RPLP1: variants seen among roughly 807,000 people sequenced by gnomAD.
RPLP1 encodes the protein ribosomal protein lateral stalk subunit P1.
In RPLP1, 4 loss-of-function variants were observed where a neutral mutation model predicts 11.6. That is an observed-to-expected ratio of 0.34 (90% CI 0.17 to 0.79). RPLP1 has a LOEUF of 0.79. RPLP1 is among the 30% of genes least tolerant of loss of function. The pLI is 0.55. For missense variants in RPLP1, 133 were observed against 142.8 expected (o/e 0.93, Z 0.35); for synonymous variants, 54 against 52.2 (o/e 1.03, Z -0.15).
chr15:69,453,761 T>A, intron 2 of RPLP1, 40 bp downstream of exon 2: 1 of 1,609,288 alleles, frequency 6.2e-7, no homozygotes, highest in East Asian at 2.2e-5. Flanking sequence ...TAAGGCCTGC[T>A]GATTTACGAG....
intron 1 of RPLP1, 120 bp from the exon 2 acceptor site, chr15:69,453,527 C>T (rs1240381744): frequency 9.0e-7 from 1 of 1,113,608 alleles, no homozygotes; most frequent in Non-Finnish European, 1.3e-6. Flanking sequence ...ATCTCTTTTG[C>T]TTGTGATAGA....
At position 69,452,891 on chromosome 15, in the gene RPLP1, A is replaced by C. The variant is rs981133401; in HGVS notation, c.-58A>C. ...AAGGCTGCGTTGGGGTGAGGCCCTC[A>C]CTTCATCCGGCGACTAGCACCGCGT... On this transcript the variant is annotated 5_prime_UTR_variant, in exon 1 of 4. Coordinates refer to ENST00000260379, the MANE Select transcript of RPLP1 (RefSeq NM_001003.3). 6.7e-7 allele frequency: 1 copy of C among 1,486,600 alleles called. No homozygotes were observed. Among genetic ancestry groups the C allele is most frequent in the Non-Finnish European group, 9.1e-7 (1 of 1,094,610 alleles). 92.1% of individuals were successfully genotyped at this position (1,486,600 alleles called of 1,614,324 possible).
rs567865136 is a variant in RPLP1 at position 69,452,887 on chromosome 15, C to A, written c.-62C>A. On this transcript the variant is annotated 5_prime_UTR_variant, in exon 1 of 4. Coordinates refer to ENST00000260379, the MANE Select transcript of RPLP1 (RefSeq NM_001003.3). ...AGCTAAGGCTGCGTTGGGGTGAGGC[C>A]CTCACTTCATCCGGCGACTAGCACC... 19 of 1,462,926 alleles carry A rather than the reference C, an allele frequency of 1.3e-5. No individual in the cohort carries two copies. The Admixed American group carries it at 2.0e-4, about 15-fold the overall frequency. The allele number at this position is 1,462,926 out of a possible 1,614,324, so 90.6% of individuals were successfully genotyped here.
chr15:69,452,895 C>A lies in RPLP1; in HGVS notation c.-54C>A. 2.7e-6 allele frequency: 4 copies of A among 1,505,732 alleles called. No homozygotes were observed. The highest frequency in any genetic ancestry group is 3.6e-6 in the Non-Finnish European group (4 of 1,111,216). 93.3% of individuals were successfully genotyped at this position (1,505,732 alleles called of 1,614,324 possible). ...CTGCGTTGGGGTGAGGCCCTCACTT[C>A]ATCCGGCGACTAGCACCGCGTCCGG... On this transcript the variant is annotated 5_prime_UTR_variant, in exon 1 of 4. Coordinates refer to ENST00000260379, the MANE Select transcript of RPLP1 (RefSeq NM_001003.3).
At chr15:69,454,716 AT>A (rs200972739) in intron 2 of RPLP1, 5 of 150,698 alleles carry the variant, frequency 3.3e-5, no homozygotes, top group Non-Finnish European at 4.4e-5. Context: ...GGAAGTTTGG[AT>A]TTTTTTTTTA....
chr15:69,455,321 G>T, intron 3 of RPLP1, 34 bp downstream of exon 3: 1 of 1,543,026 alleles, frequency 6.5e-7, no homozygotes, highest in Middle Eastern at 1.7e-4. Flanking sequence ...ATTGGGAGGA[G>T]TGTAGAGATT....
Position 69,452,862 on chromosome 15 carries a change from A to C in RPLP1, c.-87A>C. The C allele has an allele frequency of 5.7e-6, 7 of 1,219,984 alleles. No homozygotes were observed. Among genetic ancestry groups the C allele is most frequent in the South Asian group, 1.3e-5 (1 of 77,466 alleles). The allele number at this position is 1,219,984 out of a possible 1,614,324, so 75.6% of individuals were successfully genotyped here. ...CCAAGGTGCTCGGTCCTTCCGAGGA[A>C]GCTAAGGCTGCGTTGGGGTGAGGCC... is the stretch of plus-strand genomic sequence containing the variant. On this transcript the variant is annotated 5_prime_UTR_variant, in exon 1 of 4. Transcript: ENST00000260379.
Position 69,455,530 on chromosome 15 carries a change from T to C in RPLP1, c.*23T>C. On this transcript the variant is annotated 3_prime_UTR_variant, in exon 4 of 4. Transcript: ENST00000260379. ...TAAACCTCTTTTATAACATGTTCAA[T>C]AAAAAGCTGAACTTTACTGCTGTTG... is the stretch of plus-strand genomic sequence containing the variant. The C allele has an allele frequency of 6.4e-7, 1 of 1,553,966 alleles. No homozygotes were observed. The highest frequency in any genetic ancestry group is 8.7e-7 in the Non-Finnish European group (1 of 1,143,276).
At chr15:69,454,007 C>T (rs1892396917) in intron 2 of RPLP1, 1 of 448,404 alleles carries the variant, frequency 2.2e-6, no homozygotes, top group Admixed American at 4.1e-5. Context: ...ATAGGTACTA[C>T]GCATGTTAAG....
chr15:69,455,545 T>C lies in RPLP1; in HGVS notation c.*38T>C, dbSNP rs200720703. The C allele has an allele frequency of 3.4e-6, 5 of 1,460,000 alleles. No individual in the cohort carries two copies. The highest frequency in any genetic ancestry group is 4.6e-5 in the East Asian group (2 of 43,814). 90.4% of individuals were successfully genotyped at this position (1,460,000 alleles called of 1,614,324 possible). On this transcript the variant is annotated 3_prime_UTR_variant, in exon 4 of 4. Transcript: ENST00000260379. ...ACATGTTCAATAAAAAGCTGAACTTTACTGCTGTTGGTCTTGTCCATAGTT... is the reference window on the plus strand; with the variant it reads ...ACATGTTCAATAAAAAGCTGAACTTCACTGCTGTTGGTCTTGTCCATAGTT...
Position 69,455,414 on chromosome 15 carries a change from CTTTT to C in RPLP1, c.266-8_266-5del, listed in dbSNP as rs576544725. The C allele has an allele frequency of 3.1e-6, 5 of 1,590,424 alleles. No homozygotes were observed. The African/African-American group carries it at 5.4e-5, about 17-fold the overall frequency. ...TATGGAAATCCTAACACCTGATTGA[CTTTT>C]TTTTTCTAGCTGAGGAGAAGAAAGT... On this transcript the variant is annotated splice_polypyrimidine_tract_variant and intron_variant, in intron 3 of 3. Coordinates refer to ENST00000260379, the MANE Select transcript of RPLP1 (RefSeq NM_001003.3).
intron 1 of RPLP1, chr15:69,453,389 A>C: frequency 1.7e-6 from 1 of 583,556 alleles, no homozygotes; most frequent in Admixed American, 3.1e-5. Context: ...CCGGTCGTGG[A>C]GGAAGGCGCC....
In RPLP1 at chr15:69,453,701, T is replaced by C; in HGVS notation, c.127T>C (p.Trp43Arg). 1 of 1,614,200 alleles carries C rather than the reference T, an allele frequency of 6.2e-7. No individual in the cohort carries two copies. Among genetic ancestry groups the C allele is most frequent in the Non-Finnish European group, 8.5e-7 (1 of 1,180,036 alleles). Residue 43 changes from tryptophan (W) to arginine (R), a missense_variant, in exon 2 of 4, where the codon TGG becomes CGG. Coordinates refer to ENST00000260379, the MANE Select transcript of RPLP1 (RefSeq NM_001003.3). ...AGCCGGTGTAAATGTTGAGCCTTTT[T>C]GGCCTGGCTTGTTTGCAAAGGTAAG... ...KAAGVNVEPF[W>R]PGLFAKALAN...
chr15:69,453,181 C>A, intron 1 of RPLP1, 161 bp downstream of exon 1: 4 of 682,544 alleles, frequency 5.9e-6, no homozygotes, highest in Non-Finnish European at 9.9e-6. Context: ...GCTGGGGCCT[C>A]TCTCCGGGCA....
intron 2 of RPLP1, chr15:69,454,716 A>AT (rs200972739): frequency 5.8e-4 from 87 of 150,828 alleles, no homozygotes; most frequent in African/African-American, 1.2e-3. Flanking sequence ...GGAAGTTTGG[A>AT]TTTTTTTTTT....
At chr15:69,454,045 T>A (rs568896032) in intron 2 of RPLP1, 9 of 303,918 alleles carry the variant, frequency 3.0e-5, no homozygotes, top group South Asian at 1.6e-4. Flanking sequence ...TTCTTTTTCT[T>A]TTTTTTTTCT....
chr15:69,453,376 C>G, intron 1 of RPLP1: 1 of 579,826 alleles, frequency 1.7e-6, no homozygotes, highest in East Asian at 2.9e-5. Context: ...GCCTTGAATT[C>G]CCCCGGTCGT....
chr15:69,453,250 G>A (rs767313332), intron 1 of RPLP1: 1 of 587,266 alleles, frequency 1.7e-6, no homozygotes, highest in Non-Finnish European at 3.0e-6. Context: ...GCTTGAGGCT[G>A]GGCGCTCCGG....
chr15:69,455,290 A>G lies in RPLP1; in HGVS notation c.265+3A>G, dbSNP rs935001214. The G allele has an allele frequency of 3.2e-6, 5 of 1,549,150 alleles. No homozygotes were observed. Among genetic ancestry groups the G allele is most frequent in the Non-Finnish European group, 4.3e-6 (5 of 1,152,314 alleles). On this transcript the variant is annotated splice_donor_region_variant and intron_variant, in intron 3 of 3. Coordinates refer to ENST00000260379, the MANE Select transcript of RPLP1 (RefSeq NM_001003.3). ...CCCCTCCACTGCTGCTGCTCCAGGT[A>G]GGAAACATGGAGTTTTTAGTATTGG...
Sources: allele counts gnomAD v4.1 joint callset, GRCh38; gene constraint gnomAD v4.1.1; transcripts MANE v1.5; gene names NCBI Gene and HGNC (gene_info 2026-07-23, HGNC 2026-07-21).